Variants in HIPK2 observed in about 807,000 individuals in gnomAD.
HIPK2 encodes homeodomain-interacting protein kinase 2.
Under a neutral mutation model 113.7 loss-of-function variants are expected in HIPK2, and 27 were observed. That is an observed-to-expected ratio of 0.24 (90% CI 0.17 to 0.33). HIPK2 has a LOEUF of 0.33. Ranked by LOEUF, HIPK2 falls within the 10% of genes least tolerant of loss-of-function variation. HIPK2 has a pLI of 1.00. For missense variants in HIPK2, 1,257 were observed against 1,588.0 expected (o/e 0.79, Z 3.54); for synonymous variants, 631 against 642.2 (o/e 0.98, Z 0.26).
In HIPK2 at chr7:139,715,971, T is replaced by C; in HGVS notation, c.1064A>G (p.Lys355Arg). Residue 355 changes from lysine (K) to arginine (R), a missense_variant, in exon 2 of 15, where the codon AAG (lysine) becomes AGG (arginine). Physicochemically the swap from Lys to Arg is conservative, Grantham distance 26. Coordinates refer to ENST00000406875, the MANE Select transcript of HIPK2 (RefSeq NM_022740.5). ...CTGCAAGTAGGTGGAGCACACAGCC[T>C]TGGAGACGTGGCTGGCTGAACCAAA... ...IDFGSASHVSKAVCSTYLQSR... is the reference protein window; with the variant it reads ...IDFGSASHVSRAVCSTYLQSR... 6.2e-7 allele frequency: 1 copy of C among 1,614,116 alleles called. No individual in the cohort carries two copies. The highest frequency in any genetic ancestry group is 8.5e-7 in the Non-Finnish European group (1 of 1,180,010).
Position 139,562,867 on chromosome 7 carries a change from A to G in HIPK2, c.*10060T>C, listed in dbSNP as rs563197078. 1.3e-5 allele frequency: 2 copies of G among 152,386 alleles called. No individual in the cohort carries two copies. Among genetic ancestry groups the G allele is most frequent in the African/African-American group, 4.8e-5 (2 of 41,598 alleles). 9.4% of individuals were successfully genotyped at this position (152,386 alleles called of 1,614,324 possible). A position where few individuals can be genotyped will look rare whatever the true frequency, so the allele number is the denominator to read the frequency against. ...GTTTGATATATATACACAAACATATATATCAACATCTATCTCTATACAGTG... is the reference window on the plus strand; with the variant it reads ...GTTTGATATATATACACAAACATATGTATCAACATCTATCTCTATACAGTG... On this transcript the variant is annotated 3_prime_UTR_variant, in exon 15 of 15. Coordinates refer to ENST00000406875, the MANE Select transcript of HIPK2 (RefSeq NM_022740.5).
At chr7:139,699,315 CA>C (rs1794645555) in intron 2 of HIPK2, among the ~76,000 whole-genome samples, 1 of 152,112 alleles carries the variant, frequency 6.6e-6, no homozygotes, top group Non-Finnish European at 1.5e-5. Flanking sequence ...TATGGCAAAA[CA>C]AACTCAGCAA....
intron 5 of HIPK2, among the ~76,000 whole-genome samples, chr7:139,627,333 T>C (rs1180414559): frequency 6.6e-6 from 1 of 151,390 alleles, no homozygotes; most frequent in Non-Finnish European, 1.5e-5. Context: ...TATGTATGTA[T>C]GTATGCATGT....
At chr7:139,649,350 C>G (rs1344618607) in intron 2 of HIPK2, among the ~76,000 whole-genome samples, 1 of 152,190 alleles carries the variant, frequency 6.6e-6, no homozygotes, top group African/African-American at 2.4e-5. Flanking sequence ...GCAGATGCTG[C>G]TTGTGCTGAC....
intron 1 of HIPK2, among the ~76,000 whole-genome samples, chr7:139,767,107 A>C (rs192258703): frequency 1.3e-3 from 193 of 152,348 alleles, no homozygotes; most frequent in Admixed American, 2.9e-3. Context: ...TCACCAAAAC[A>C]ACCACCATCT....
intron 1 of HIPK2, among the ~76,000 whole-genome samples, chr7:139,730,834 G>A (rs75287554): frequency 0.043 from 6,480 of 152,242 alleles, 458 homozygotes; most frequent in African/African-American, 0.15. Flanking sequence ...AATCCCATAT[G>A]ACTGGTGTCC....
chr7:139,646,330 T>C (rs979449056), intron 2 of HIPK2, among the ~76,000 whole-genome samples: 1 of 151,740 alleles, frequency 6.6e-6, no homozygotes, highest in Non-Finnish European at 1.5e-5. Flanking sequence ...ACTCCGTCCC[T>C]ACAAAAAATT....
At chr7:139,663,086 C>T (rs748605118) in intron 2 of HIPK2, among the ~76,000 whole-genome samples, 6 of 152,166 alleles carry the variant, frequency 3.9e-5, no homozygotes, top group Non-Finnish European at 5.9e-5. Context: ...TGACCTTCGA[C>T]ACTAATTCCT....
chr7:139,720,286 A>T lies in HIPK2; in HGVS notation c.20-3271T>A, dbSNP rs148400254. Among the ~76,000 whole-genome samples, 91 of 152,262 alleles carry T rather than the reference A, an allele frequency of 6.0e-4. 1 individual carries two copies. The East Asian group carries it at 0.017, about 28-fold the overall frequency. ...TGTTCCTACAGCACTTACCATATGT[A>T]CCATCTGACTTCAGCTCTGACTTCC... On this transcript the variant is annotated intron_variant, in intron 1 of 14. Transcript: ENST00000406875.
chr7:139,662,387 T>C (rs1400890724), intron 2 of HIPK2, among the ~76,000 whole-genome samples: 4 of 152,362 alleles, frequency 2.6e-5, no homozygotes, highest in African/African-American at 7.2e-5. Flanking sequence ...AGAAAATAAA[T>C]GGGATTCATT....
rs1017682661 is a variant in HIPK2, at chr7:139,714,914, C to A, written c.1103+1018G>T. Among the ~76,000 whole-genome samples the A allele has an allele frequency of 5.3e-5, 8 of 152,170 alleles. No individual in the cohort carries two copies. The highest frequency in any genetic ancestry group is 2.1e-4 in the South Asian group (1 of 4,834). ...AGCCATGTTACAGCCATGTTACCTC[C>A]CAGCTGCCCACGAGGCTGGTGAGAG... On this transcript the variant is annotated intron_variant, in intron 2 of 14. Transcript: ENST00000406875. The surrounding 1 kb of genome is among the most constrained non-coding windows in gnomAD (Gnocchi z 4.2).
intron 1 of HIPK2, among the ~76,000 whole-genome samples, chr7:139,726,851 G>C (rs371540374): frequency 3.1e-4 from 47 of 152,316 alleles, no homozygotes; most frequent in African/African-American, 1.1e-3. Flanking sequence ...ATGAGAAATA[G>C]CAAATGGGAA....
intron 1 of HIPK2, among the ~76,000 whole-genome samples, chr7:139,760,212 G>A (rs1796441820): frequency 6.6e-6 from 1 of 152,100 alleles, no homozygotes; most frequent in Non-Finnish European, 1.5e-5. Flanking sequence ...CACCATGTTA[G>A]CCAGGATGGT....
At position 139,570,283 on chromosome 7, in the gene HIPK2, G is replaced by C. The variant is rs112212342; in HGVS notation, c.*2644C>G. 1 of 137,938 alleles carries C rather than the reference G, an allele frequency of 7.2e-6. No homozygotes were observed. The highest frequency in any genetic ancestry group is 2.3e-4 in the East Asian group (1 of 4,282). 8.5% of individuals were successfully genotyped at this position (137,938 alleles called of 1,614,324 possible). On this transcript the variant is annotated 3_prime_UTR_variant, in exon 15 of 15. Transcript: ENST00000406875. The stretch of plus-strand genomic sequence containing the variant: ...TTCCAGGCTGACCCAGCTGTGGGGC[G>C]GGGGGGGGTCCTCTGGCTTCTGTGT...
Position 139,631,817 on chromosome 7 carries a change from T to A in HIPK2, c.1104-92A>T, listed in dbSNP as rs1255702082. On this transcript the variant is annotated intron_variant, in intron 2 of 14. Transcript: ENST00000406875. This position sits in a 1 kb window ranked among gnomAD's most constrained non-coding sequence, Gnocchi z 4.9. ...ACTATCTTTCAAACCTGGGGTGCCA[T>A]TACTGACTCCTCCTCTGAAGGGCCT... 1 of 1,444,478 alleles carries A rather than the reference T, an allele frequency of 6.9e-7. No individual in the cohort carries two copies. The highest frequency in any genetic ancestry group is 1.4e-5 in the African/African-American group (1 of 69,930). 89.5% of individuals were successfully genotyped at this position (1,444,478 alleles called of 1,614,324 possible).
At chr7:139,735,155 G>C (rs751223608) in intron 1 of HIPK2, among the ~76,000 whole-genome samples, 4 of 152,186 alleles carry the variant, frequency 2.6e-5, no homozygotes, top group Non-Finnish European at 5.9e-5. Flanking sequence ...TTTAAGAGAA[G>C]TATCCCATGA....
chr7:139,629,862 C>A (rs184570037), intron 4 of HIPK2, among the ~76,000 whole-genome samples: 9 of 152,188 alleles, frequency 5.9e-5, no homozygotes, highest in African/African-American at 1.9e-4. Context: ...CCTCCTCCAC[C>A]GGAGGACTCT....
In HIPK2 at chr7:139,562,771, C is replaced by T. The variant is rs1585211130; in HGVS notation, c.*10156G>A. On this transcript the variant is annotated 3_prime_UTR_variant, in exon 15 of 15. Coordinates refer to ENST00000406875, the MANE Select transcript of HIPK2 (RefSeq NM_022740.5). ...CACAGCCCATGCACGTCCAAGACAC[C>T]AGTCTTGACTCCGACCTCTAAAGAG... 1 of 152,276 alleles carries T rather than the reference C, an allele frequency of 6.6e-6. No individual in the cohort carries two copies. Among genetic ancestry groups the T allele is most frequent in the African/African-American group, 2.4e-5 (1 of 41,464 alleles). 9.4% of individuals were successfully genotyped at this position (152,276 alleles called of 1,614,324 possible). A position where few individuals can be genotyped will look rare whatever the true frequency, so the allele number is the denominator to read the frequency against.
intron 2 of HIPK2, among the ~76,000 whole-genome samples, chr7:139,698,286 C>T (rs1052835794): frequency 4.6e-5 from 7 of 152,202 alleles, no homozygotes; most frequent in Non-Finnish European, 1.0e-4. Context: ...TTTATCAGTA[C>T]ATTTTTCCTT....
Sources: gnomAD v4.1 joint callset for allele counts (sites outside exome capture counted in the v4.1 genomes callset) on GRCh38, gnomAD v4.1.1 for gene constraint, Gnocchi (gnomAD v3.1) non-coding constraint, MANE v1.5 for transcripts, NCBI Gene and HGNC (gene_info 2026-07-23, HGNC 2026-07-21) for gene names.